PPP1R12A: variants seen among roughly 807,000 people sequenced by gnomAD.
PPP1R12A encodes the protein protein phosphatase 1 regulatory subunit 12A, also known as myosin binding subunit.
A neutral mutation model predicts 139.6 loss-of-function variants in PPP1R12A; 19 were observed. The observed-to-expected ratio is 0.14, with a 90% CI of 0.09 to 0.20. The LOEUF is 0.20. PPP1R12A is among the 10% of genes least tolerant of loss of function. The pLI, the probability that PPP1R12A is intolerant of heterozygous loss-of-function variation, is 1.00. For synonymous variants in PPP1R12A, 427 were observed against 420.6 expected, an observed-to-expected ratio of 1.02 and a Z score of -0.19; for missense variants, 925 against 1,211.5, an observed-to-expected ratio of 0.76 and a Z score of 3.51.
At chr12:79,917,252 C>T (rs1015082344) in intron 1 of PPP1R12A, among the ~76,000 whole-genome samples, 4 of 151,976 alleles carry the variant, frequency 2.6e-5, no homozygotes, top group East Asian at 1.9e-4. Flanking sequence ...TTTGGGAGGC[C>T]GAGGCGGGTG....
At chr12:79,781,309 A>G (rs1293358994) in intron 23 of PPP1R12A, among the ~76,000 whole-genome samples, 3 of 152,132 alleles carry the variant, frequency 2.0e-5, no homozygotes, top group Non-Finnish European at 4.4e-5. Context: ...TTTTTGTTTA[A>G]AATAGCCTAC....
chr12:79,797,009 A>C (rs1565743757), intron 16 of PPP1R12A, 59 bp from the exon 17 acceptor site: 8 of 1,499,284 alleles, frequency 5.3e-6, no homozygotes, highest in Non-Finnish European at 7.2e-6. Flanking sequence ...AAAACATAAA[A>C]ATACTTAAAA....
chr12:79,793,201 T>G (rs1199804246), intron 19 of PPP1R12A, among the ~76,000 whole-genome samples: 1 of 152,194 alleles, frequency 6.6e-6, no homozygotes, highest in Non-Finnish European at 1.5e-5. Flanking sequence ...ATTTTTTAGC[T>G]TTCTACACAG....
chr12:79,843,938 C>G (rs186603839), intron 3 of PPP1R12A, among the ~76,000 whole-genome samples: 1 of 151,888 alleles, frequency 6.6e-6, no homozygotes, highest in African/African-American at 2.4e-5. Flanking sequence ...CTCCTGACCT[C>G]GTGATCTGCC....
intron 1 of PPP1R12A, among the ~76,000 whole-genome samples, chr12:79,900,943 G>C (rs1885580752): frequency 6.6e-6 from 1 of 152,178 alleles, no homozygotes; most frequent in Non-Finnish European, 1.5e-5. Context: ...ACTGTGAAGA[G>C]AATCCTTCAT....
intron 2 of PPP1R12A, among the ~76,000 whole-genome samples, chr12:79,868,867 T>G (rs1882269604): frequency 6.6e-6 from 1 of 152,178 alleles, no homozygotes; most frequent in Admixed American, 6.5e-5. Context: ...ATGCATACAT[T>G]TTAGTACCTG....
At chr12:79,899,314 A>T (rs1000123557) in intron 1 of PPP1R12A, among the ~76,000 whole-genome samples, 1 of 151,170 alleles carries the variant, frequency 6.6e-6, no homozygotes, top group Admixed American at 6.6e-5. Flanking sequence ...AAACCAGTGC[A>T]CACAACCTAA....
chr12:79,885,869 GT>G (rs1884058024), intron 1 of PPP1R12A, among the ~76,000 whole-genome samples: 1 of 152,010 alleles, frequency 6.6e-6, no homozygotes, highest in African/African-American at 2.4e-5. Context: ...TTTTTTGTTT[GT>G]TTTTTGTTAG....
rs754869257 is a variant in PPP1R12A, at chr12:79,805,644, T to C, written c.1948A>G (p.Thr650Ala). 1.9e-6 allele frequency: 3 copies of C among 1,613,804 alleles called. No homozygotes were observed. Among genetic ancestry groups the C allele is most frequent in the East Asian group, 2.2e-5 (1 of 44,842 alleles). ...NAAASTTTLT[T>A]TTAGTVSSTT... ...GAGGAGACAGTGCCAGCAGTAGTTG[T>C]AGTCAGGGTTGTGGTAGAAGCTGCA... Residue 650 changes from threonine to alanine, a missense_variant, in exon 14 of 25, where the codon ACA becomes GCA. Physicochemically the swap from Thr to Ala is moderately conservative, Grantham distance 58. Coordinates refer to ENST00000450142, the MANE Select transcript of PPP1R12A (RefSeq NM_002480.3).
At chr12:79,924,668 A>T (rs919518655) in intron 1 of PPP1R12A, among the ~76,000 whole-genome samples, 1 of 152,166 alleles carries the variant, frequency 6.6e-6, no homozygotes, top group Non-Finnish European at 1.5e-5. Context: ...GGCTCAAGCA[A>T]TCCTCCCACC....
intron 3 of PPP1R12A, among the ~76,000 whole-genome samples, chr12:79,845,063 C>G (rs561515725): frequency 8.5e-5 from 13 of 152,266 alleles, no homozygotes; most frequent in African/African-American, 1.2e-4. Flanking sequence ...ACTTTTACTT[C>G]CACATAATTT....
At chr12:79,786,703 A>C (rs2136991379) in intron 21 of PPP1R12A, 1 of 323,346 alleles carries the variant, frequency 3.1e-6, no homozygotes, top group Non-Finnish European at 5.6e-6. Flanking sequence ...AAAAATCAAG[A>C]CTTCACAGAA....
chr12:79,896,273 T>C (rs1423330219), intron 1 of PPP1R12A, among the ~76,000 whole-genome samples: 2 of 152,188 alleles, frequency 1.3e-5, no homozygotes, highest in Admixed American at 1.3e-4. Flanking sequence ...TTTAAATAGC[T>C]AATAACATAA....
chr12:79,857,101 T>C (rs1454336151), intron 2 of PPP1R12A, among the ~76,000 whole-genome samples: 1 of 152,210 alleles, frequency 6.6e-6, no homozygotes, highest in Non-Finnish European at 1.5e-5. Flanking sequence ...CAAAGGACTA[T>C]AAATCATGCT....
At chr12:79,896,949 C>T (rs1023771429) in intron 1 of PPP1R12A, among the ~76,000 whole-genome samples, 14 of 152,160 alleles carry the variant, frequency 9.2e-5, no homozygotes, top group Non-Finnish European at 1.8e-4. Flanking sequence ...AAAACAACCT[C>T]GTTGAGGTGG....
chr12:79,857,340 C>A (rs1038392313), intron 2 of PPP1R12A, among the ~76,000 whole-genome samples: 2 of 151,366 alleles, frequency 1.3e-5, no homozygotes, highest in East Asian at 3.9e-4. Context: ...GGACAAAAAA[C>A]CAAACACCAC....
In PPP1R12A at chr12:79,890,891, CCACCCACACCCACCCACA is replaced by C. The variant is rs1300378641; in HGVS notation, c.238-17971_238-17954del. 3.7e-3 allele frequency among the ~76,000 whole-genome samples: 369 copies of C among 99,600 alleles called. 1 individual carries two copies. The highest frequency in any genetic ancestry group is 0.015 in the African/African-American group (361 of 24,274). 65.3% of individuals were successfully genotyped at this position (99,600 alleles called of 152,430 possible). A position where few individuals can be genotyped will look rare whatever the true frequency, so the allele number is the denominator to read the frequency against. On this transcript the variant is annotated intron_variant, in intron 1 of 24. Coordinates refer to ENST00000450142, the MANE Select transcript of PPP1R12A (RefSeq NM_002480.3). Reference sequence around the variant, plus strand: ...AACCTCAAGAATACACACACACCACCCACCCACACCCACCCACACACACACACACACACACACACACAC... The same window carrying C: ...AACCTCAAGAATACACACACACCACCCACACACACACACACACACACACAC...
At chr12:79,817,118 AT>A (rs1200676417) in intron 9 of PPP1R12A, among the ~76,000 whole-genome samples, 16 of 152,248 alleles carry the variant, frequency 1.1e-4, no homozygotes, top group African/African-American at 3.8e-4. Context: ...TATTACAAAA[AT>A]TTTTATCTTT....
intron 2 of PPP1R12A, among the ~76,000 whole-genome samples, chr12:79,848,134 A>T (rs965492186): frequency 6.6e-6 from 1 of 152,198 alleles, no homozygotes; most frequent in Non-Finnish European, 1.5e-5. Flanking sequence ...AATATGCTGT[A>T]AAAGTTTTAT....
Sources: allele counts gnomAD v4.1 joint callset (sites outside exome capture counted in the v4.1 genomes callset), GRCh38; gene constraint gnomAD v4.1.1; transcripts MANE v1.5; gene names NCBI Gene and HGNC (gene_info 2026-07-23, HGNC 2026-07-21).